The following PTPRG variants were observed in gnomAD, a reference collection of about 807,000 sequenced individuals.
PTPRG encodes the protein receptor-type tyrosine-protein phosphatase gamma.
PTPRG carries 102 observed loss-of-function variants against 165.3 expected under a neutral mutation model. The ratio of observed to expected loss-of-function variants is 0.62; its 90% CI spans 0.53 to 0.73. The LOEUF (loss-of-function observed/expected upper bound fraction) is 0.73. Ranked by LOEUF, PTPRG falls within the 30% of genes least tolerant of loss-of-function variation. PTPRG has a pLI of 0.00. For missense variants in PTPRG, 1,866 were observed against 1,861.4 expected, an observed-to-expected ratio of 1.00 and a Z score of -0.05; for synonymous variants, 675 against 669.5, an observed-to-expected ratio of 1.01 and a Z score of -0.13.
At chr3:62,094,978 C>T (rs1702062248) in intron 5 of PTPRG, among the ~76,000 whole-genome samples, 1 of 152,240 alleles carries the variant, frequency 6.6e-6, no homozygotes, top group African/African-American at 2.4e-5. Flanking sequence ...AATCTACCTT[C>T]TGTGCCTTTA....
chr3:61,663,936 C>T (rs575941914), intron 1 of PTPRG, among the ~76,000 whole-genome samples: 2 of 152,128 alleles, frequency 1.3e-5, no homozygotes, highest in African/African-American at 2.4e-5. Flanking sequence ...TGACAGGGCA[C>T]GGACTGGCTG....
intron 2 of PTPRG, among the ~76,000 whole-genome samples, chr3:61,761,169 T>C (rs527888964): frequency 1.3e-5 from 2 of 152,332 alleles, no homozygotes; most frequent in South Asian, 4.1e-4. Flanking sequence ...CTTTGAGGAA[T>C]CGCCACACCA....
chr3:62,090,421 C>T lies in PTPRG; in HGVS notation c.615+12163C>T, dbSNP rs974298493. Among the ~76,000 whole-genome samples, 8 of 152,210 alleles carry T rather than the reference C, an allele frequency of 5.3e-5. No individual in the cohort carries two copies. The South Asian group carries it at 6.2e-4, about 12-fold the overall frequency. ...CAGCTAGCTAACACAAAGCCAATAC[C>T]TAAGTCTTTTAGGAAAAGAGATGAA... On this transcript the variant is annotated intron_variant, in intron 5 of 29. Coordinates refer to ENST00000474889, the MANE Select transcript of PTPRG (RefSeq NM_002841.4).
chr3:61,722,652 T>C lies in PTPRG; in HGVS notation c.86-26226T>C, dbSNP rs920034834. Among the ~76,000 whole-genome samples, 16 of 152,348 alleles carry C rather than the reference T, an allele frequency of 1.1e-4. No homozygotes were observed. The East Asian group carries it at 2.9e-3, about 28-fold the overall frequency. ...AAAGTCAGTATCAAATTTCTAGTCC[T>C]GTTTTCCTTTAATTTCAGTACTATA... On this transcript the variant is annotated intron_variant, in intron 1 of 29. Transcript: ENST00000474889.
chr3:61,825,333 A>G (rs11130854), intron 2 of PTPRG, among the ~76,000 whole-genome samples: 38,249 of 152,108 alleles, frequency 0.25, 4,876 homozygotes, highest in East Asian at 0.3. Flanking sequence ...GTCATACTGA[A>G]CACAGATTAA....
At chr3:61,611,876 CCTT>C (rs1209677967) in intron 1 of PTPRG, among the ~76,000 whole-genome samples, 1 of 152,166 alleles carries the variant, frequency 6.6e-6, no homozygotes, top group Non-Finnish European at 1.5e-5. Flanking sequence ...ATATAAAAAT[CCTT>C]CTTTACATGA....
chr3:61,673,305 C>T (rs1213859160), intron 1 of PTPRG, among the ~76,000 whole-genome samples: 1 of 152,194 alleles, frequency 6.6e-6, no homozygotes. Flanking sequence ...GGATGAGCCA[C>T]TTGGCAAAGG....
intron 6 of PTPRG, among the ~76,000 whole-genome samples, chr3:62,141,885 G>A (rs61343264): frequency 0.01 from 1,517 of 151,678 alleles, 28 homozygotes; most frequent in African/African-American, 0.035. Flanking sequence ...TGGGTGACAG[G>A]GCAAAACTGT....
At chr3:61,889,041 A>C (rs9846369) in intron 2 of PTPRG, among the ~76,000 whole-genome samples, 1 of 152,310 alleles carries the variant, frequency 6.6e-6, no homozygotes, top group East Asian at 1.9e-4. Flanking sequence ...AAATTTCTCA[A>C]CTGTAAAGCT....
intron 1 of PTPRG, among the ~76,000 whole-genome samples, chr3:61,671,042 A>G (rs1346066699): frequency 6.6e-6 from 1 of 151,504 alleles, no homozygotes; most frequent in African/African-American, 2.4e-5. Context: ...GCTGTCACAG[A>G]GTCCAGGAGA....
chr3:61,991,918 T>C (rs2040902116), intron 3 of PTPRG, among the ~76,000 whole-genome samples: 1 of 152,196 alleles, frequency 6.6e-6, no homozygotes, highest in East Asian at 1.9e-4. Context: ...ATGACCTTGG[T>C]CTTCCAGAAG....
intron 6 of PTPRG, among the ~76,000 whole-genome samples, chr3:62,145,019 T>G (rs1367546096): frequency 6.6e-6 from 1 of 151,950 alleles, no homozygotes. Flanking sequence ...AGAGAGCTCT[T>G]AAAAAAATAC....
At chr3:62,269,873 G>A (rs994166320) in intron 20 of PTPRG, among the ~76,000 whole-genome samples, 3 of 152,034 alleles carry the variant, frequency 2.0e-5, no homozygotes, top group African/African-American at 7.2e-5. Flanking sequence ...GAAACCTCAG[G>A]TAGTACTGAA....
rs759038682 is a variant in PTPRG at position 62,203,346 on chromosome 3, C to T, written c.1551C>T (p.Ala517=). 6.0e-5 allele frequency: 96 copies of T among 1,613,340 alleles called. No individual in the cohort carries two copies. The highest frequency in any genetic ancestry group is 7.8e-5 in the Non-Finnish European group (92 of 1,179,756). ...VASVVTSTLL[A]GLGFGGGGIS... ...CGGTGGTCACCAGCACGCTGCTCGCCGGCCTGGGGTTCGGCGGTGGTGGCA... is the reference window on the plus strand; with the variant it reads ...CGGTGGTCACCAGCACGCTGCTCGCTGGCCTGGGGTTCGGCGGTGGTGGCA... Residue 517 remains alanine, a synonymous_variant, in exon 12 of 30, where the codon GCC becomes GCT. Transcript: ENST00000474889. The surrounding 1 kb of genome is among the most constrained non-coding windows in gnomAD (Gnocchi z 6.4).
chr3:61,909,689 A>G (rs978533691), intron 2 of PTPRG, among the ~76,000 whole-genome samples: 1 of 149,580 alleles, frequency 6.7e-6, no homozygotes, highest in Non-Finnish European at 1.5e-5. Flanking sequence ...TCTGACCTCA[A>G]CTGAAGTTTT....
chr3:62,290,216 C>A (rs1370577526), intron 28 of PTPRG, among the ~76,000 whole-genome samples: 2 of 151,938 alleles, frequency 1.3e-5, no homozygotes, highest in Non-Finnish European at 2.9e-5. Context: ...TATAAAAGGC[C>A]TGAATAAATG....
At chr3:61,940,738 A>G (rs906156901) in intron 2 of PTPRG, among the ~76,000 whole-genome samples, 2 of 151,260 alleles carry the variant, frequency 1.3e-5, no homozygotes, top group African/African-American at 4.9e-5. Context: ...ATCTTGGCTC[A>G]CTGCAAGCTC....
At chr3:61,944,665 C>T (rs995645298) in intron 2 of PTPRG, among the ~76,000 whole-genome samples, 1 of 152,082 alleles carries the variant, frequency 6.6e-6, no homozygotes, top group African/African-American at 2.4e-5. Context: ...TCAGCCTCTG[C>T]TTTGTCAAAG....
At chr3:61,964,781 C>G (rs2040230586) in intron 2 of PTPRG, among the ~76,000 whole-genome samples, 1 of 151,980 alleles carries the variant, frequency 6.6e-6, no homozygotes, top group East Asian at 1.9e-4. Context: ...TTTTTTATGG[C>G]CTTTTTGATG....
Sources: allele counts gnomAD v4.1 joint callset (sites outside exome capture counted in the v4.1 genomes callset), GRCh38; gene constraint gnomAD v4.1.1; non-coding constraint Gnocchi (gnomAD v3.1); transcripts MANE v1.5; gene names NCBI Gene and HGNC (gene_info 2026-07-23, HGNC 2026-07-21).